UNC13C: variants seen among roughly 807,000 people sequenced by gnomAD.
UNC13C encodes the protein unc-13 homolog C, also known as protein unc-13 homolog C.
Under a neutral mutation model 245.4 loss-of-function variants are expected in UNC13C, and 174 were observed. The ratio of observed to expected loss-of-function variants is 0.71; its 90% CI spans 0.63 to 0.80. UNC13C has a LOEUF of 0.80. UNC13C is among the 30% of genes least tolerant of loss of function. The probability of loss-of-function intolerance (pLI) is 0.00; values close to 1 mark genes in which losing one functional copy is unlikely to be tolerated. For missense variants in UNC13C, 2,829 were observed against 2,602.9 expected (o/e 1.09, Z -1.89); for synonymous variants, 992 against 895.1 (o/e 1.11, Z -1.93).
chr15:54,341,491 G>A (rs1314983343), intron 17 of UNC13C, among the ~76,000 whole-genome samples: 1 of 152,274 alleles, frequency 6.6e-6, no homozygotes, highest in African/African-American at 2.4e-5. Context: ...ACCTGGGTAA[G>A]GGGATCAGTC....
At chr15:54,626,201 CT>C (rs1901131276) in intron 32 of UNC13C, among the ~76,000 whole-genome samples, 1 of 152,068 alleles carries the variant, frequency 6.6e-6, no homozygotes, top group Non-Finnish European at 1.5e-5. Context: ...AACAAGCTGT[CT>C]TAGGTGGTTG....
chr15:54,158,423 G>C (rs1486571667), intron 4 of UNC13C, among the ~76,000 whole-genome samples: 2 of 151,588 alleles, frequency 1.3e-5, no homozygotes, highest in East Asian at 2.0e-4. Flanking sequence ...CCACCTCCCG[G>C]GTTCTCACCA....
intron 19 of UNC13C, among the ~76,000 whole-genome samples, chr15:54,477,832 T>A (rs1892856608): frequency 2.0e-5 from 3 of 150,756 alleles, no homozygotes; most frequent in Admixed American, 2.0e-4. Context: ...ATAAAATGAG[T>A]TAAGGAGGAG....
chr15:54,451,437 C>A (rs1386478830), intron 19 of UNC13C, among the ~76,000 whole-genome samples: 1 of 151,896 alleles, frequency 6.6e-6, no homozygotes, highest in Non-Finnish European at 1.5e-5. Flanking sequence ...TATGCTGTCC[C>A]ATATGTCATG....
At chr15:54,418,838 A>G (rs894913558) in intron 19 of UNC13C, among the ~76,000 whole-genome samples, 2 of 152,158 alleles carry the variant, frequency 1.3e-5, no homozygotes, top group Non-Finnish European at 2.9e-5. Flanking sequence ...TCATCTTTAC[A>G]TTGAAGGAAA....
chr15:54,414,804 A>G (rs907212081), intron 18 of UNC13C, among the ~76,000 whole-genome samples, 178 bp from the exon 19 acceptor site: 20 of 152,076 alleles, frequency 1.3e-4, no homozygotes, highest in Non-Finnish European at 1.5e-5. Flanking sequence ...TTTTAACATT[A>G]AACTCTAGTG....
intron 4 of UNC13C, among the ~76,000 whole-genome samples, chr15:54,167,719 C>A (rs892794547): frequency 6.7e-6 from 1 of 149,024 alleles, no homozygotes; most frequent in Non-Finnish European, 1.5e-5. Flanking sequence ...AACTAACAAA[C>A]CTTAAGAGGA....
chr15:53,838,986 T>C, the UNC13C span, among the ~76,000 whole-genome samples: 1 of 152,150 alleles, frequency 6.6e-6, no homozygotes, highest in Non-Finnish European at 1.5e-5. Flanking sequence ...TCAAATTTAC[T>C]GGTGTAGTTA....
intron 2 of UNC13C, among the ~76,000 whole-genome samples, chr15:54,099,789 T>C (rs781597658): frequency 1.3e-5 from 2 of 152,034 alleles, no homozygotes; most frequent in Non-Finnish European, 2.9e-5. Context: ...CGCTTCAATA[T>C]ATCCCACATT....
At chr15:54,213,835 G>A (rs180792460) in intron 4 of UNC13C, among the ~76,000 whole-genome samples, 6 of 152,072 alleles carry the variant, frequency 3.9e-5, no homozygotes, top group African/African-American at 1.4e-4. Flanking sequence ...AACCTAACAG[G>A]TAGTATTGCT....
At chr15:54,056,415 G>C (rs1320342109) in intron 2 of UNC13C, among the ~76,000 whole-genome samples, 2 of 152,094 alleles carry the variant, frequency 1.3e-5, no homozygotes, top group African/African-American at 2.4e-5. Context: ...AGAGAAAAAA[G>C]AATAAAAAGA....
At chr15:54,280,769 C>CATAT (rs1555443212) in intron 10 of UNC13C, among the ~76,000 whole-genome samples, 1 of 107,626 alleles carries the variant, frequency 9.3e-6, no homozygotes, top group Non-Finnish European at 2.0e-5. Flanking sequence ...TACATACATA[C>CATAT]ATATATATAT....
chr15:54,437,180 A>G (rs1890265356), intron 19 of UNC13C, among the ~76,000 whole-genome samples: 1 of 151,924 alleles, frequency 6.6e-6, no homozygotes, highest in South Asian at 2.1e-4. Context: ...TTTTGCCTCA[A>G]ATATTTTTTG....
intron 16 of UNC13C, among the ~76,000 whole-genome samples, chr15:54,336,970 A>C (rs979813570): frequency 6.6e-6 from 1 of 152,100 alleles, no homozygotes; most frequent in African/African-American, 2.4e-5. Flanking sequence ...ATTTTAATTG[A>C]GATTGCCTTT....
intron 19 of UNC13C, among the ~76,000 whole-genome samples, chr15:54,428,588 A>G (rs761046692): frequency 6.6e-6 from 1 of 151,516 alleles, no homozygotes; most frequent in African/African-American, 2.4e-5. Context: ...CTTAGACTGT[A>G]AGCTCTGTGA....
chr15:54,329,328 A>G (rs1366644199), intron 14 of UNC13C, among the ~76,000 whole-genome samples: 3 of 151,960 alleles, frequency 2.0e-5, no homozygotes, highest in Admixed American at 6.6e-5. Context: ...TACACAACCA[A>G]TTATTGTTAA....
At chr15:54,591,135 A>G (rs1898764445) in intron 30 of UNC13C, among the ~76,000 whole-genome samples, 1 of 152,184 alleles carries the variant, frequency 6.6e-6, no homozygotes, top group Admixed American at 6.5e-5. Flanking sequence ...CATCCCTGGT[A>G]TGAAACCCAC....
At chr15:54,354,195 C>T (rs1314373811) in intron 17 of UNC13C, among the ~76,000 whole-genome samples, 1 of 151,960 alleles carries the variant, frequency 6.6e-6, no homozygotes, top group Non-Finnish European at 1.5e-5. Flanking sequence ...AAAAGGATAA[C>T]AATAATTGCT....
chr15:53,961,894 G>A, the UNC13C span, among the ~76,000 whole-genome samples: 1 of 152,158 alleles, frequency 6.6e-6, no homozygotes, highest in Non-Finnish European at 1.5e-5. Flanking sequence ...GGGGGAAAAA[G>A]AAGGCAGAGA....
Sources: allele counts gnomAD v4.1 joint callset (sites outside exome capture counted in the v4.1 genomes callset), GRCh38; gene constraint gnomAD v4.1.1; transcripts MANE v1.5; gene names NCBI Gene and HGNC (gene_info 2026-07-23, HGNC 2026-07-21).